The following PXDNL variants were observed in gnomAD, a reference collection of about 807,000 sequenced individuals.
PXDNL encodes the protein peroxidasin like.
A neutral mutation model predicts 150.8 loss-of-function variants in PXDNL; 145 were observed. The observed-to-expected ratio is 0.96, with a 90% CI of 0.84 to 1.10. The LOEUF is 1.10. PXDNL is among the 50% of genes least tolerant of loss of function. The probability of loss-of-function intolerance (pLI) is 0.00; values close to 1 mark genes in which losing one functional copy is unlikely to be tolerated. For missense variants in PXDNL, 2,087 were observed against 1,873.9 expected, an observed-to-expected ratio of 1.11 and a Z score of -2.10; for synonymous variants, 757 against 725.7, an observed-to-expected ratio of 1.04 and a Z score of -0.69.
chr8:51,445,966 C>G (rs75023566), intron 12 of PXDNL, among the ~76,000 whole-genome samples: 2,972 of 151,256 alleles, frequency 0.02, 61 homozygotes, highest in East Asian at 0.082. Context: ...TTTTCCCCCC[C>G]GTAGAACCTC....
At chr8:51,395,742 A>G (rs1338000980) in intron 17 of PXDNL, among the ~76,000 whole-genome samples, 7 of 152,230 alleles carry the variant, frequency 4.6e-5, no homozygotes. Flanking sequence ...AACAGGAAAT[A>G]AATGGCTATG....
At chr8:51,438,523 G>T (rs1019509682) in intron 12 of PXDNL, among the ~76,000 whole-genome samples, 1 of 152,148 alleles carries the variant, frequency 6.6e-6, no homozygotes, top group South Asian at 2.1e-4. Flanking sequence ...AGACCATCCT[G>T]GCTAACATGG....
chr8:51,694,794 G>A (rs1816081231), intron 1 of PXDNL, among the ~76,000 whole-genome samples: 1 of 152,188 alleles, frequency 6.6e-6, no homozygotes, highest in Non-Finnish European at 1.5e-5. Flanking sequence ...TGAGCTGTAA[G>A]GTAGACATTA....
intron 5 of PXDNL, among the ~76,000 whole-genome samples, chr8:51,491,977 A>G (rs4873555): frequency 0.36 from 54,997 of 152,100 alleles, 11,975 homozygotes; most frequent in African/African-American, 0.61. Flanking sequence ...ACCTCATTTC[A>G]TATTCATGAT....
At chr8:51,465,785 A>C (rs749300838) in intron 8 of PXDNL, among the ~76,000 whole-genome samples, 1 of 152,176 alleles carries the variant, frequency 6.6e-6, no homozygotes, top group Non-Finnish European at 1.5e-5. Context: ...TCAAATATGT[A>C]ATCTCACTTA....
At chr8:51,767,063 C>T (rs1271677013) in intron 1 of PXDNL, among the ~76,000 whole-genome samples, 2 of 151,958 alleles carry the variant, frequency 1.3e-5, no homozygotes, top group African/African-American at 2.4e-5. Flanking sequence ...GACATCATTC[C>T]TATGTCTGTC....
intron 12 of PXDNL, among the ~76,000 whole-genome samples, chr8:51,438,461 T>C (rs1416519080): frequency 6.6e-6 from 1 of 152,078 alleles, no homozygotes; most frequent in Non-Finnish European, 1.5e-5. Flanking sequence ...GTTATAAAAA[T>C]AGGCACATAT....
At chr8:51,569,229 A>G (rs536261548) in intron 3 of PXDNL, among the ~76,000 whole-genome samples, 2 of 152,090 alleles carry the variant, frequency 1.3e-5, no homozygotes, top group Admixed American at 6.6e-5. Context: ...CAGTACTGAA[A>G]GGTGACTTGC....
intron 1 of PXDNL, among the ~76,000 whole-genome samples, chr8:51,768,078 G>A (rs59373752): frequency 0.043 from 6,557 of 152,238 alleles, 462 homozygotes; most frequent in African/African-American, 0.14. Context: ...AGAGTACTGC[G>A]GAGCTGGGGT....
Position 51,640,845 on chromosome 8 carries a change from A to G in PXDNL, c.236+13844T>C, listed in dbSNP as rs545594677. Among the ~76,000 whole-genome samples, 3 of 151,920 alleles carry G rather than the reference A, an allele frequency of 2.0e-5. No homozygotes were observed. The East Asian group carries it at 5.8e-4, about 29-fold the overall frequency. On this transcript the variant is annotated intron_variant, in intron 2 of 22. Coordinates refer to ENST00000356297, the MANE Select transcript of PXDNL (RefSeq NM_144651.5). ...CCAATGACTTTCTTCACAGAATTGG[A>G]AAAAACTACTTTAAAGTTCATATGG...
intron 3 of PXDNL, among the ~76,000 whole-genome samples, chr8:51,568,841 A>G (rs1452367872): frequency 6.6e-6 from 1 of 151,640 alleles, no homozygotes; most frequent in Non-Finnish European, 1.5e-5. Flanking sequence ...TTAACATATC[A>G]CCAAGGTCAC....
chr8:51,384,080 TTC>T (rs1807628005), intron 17 of PXDNL, among the ~76,000 whole-genome samples: 1 of 152,176 alleles, frequency 6.6e-6, no homozygotes, highest in African/African-American at 2.4e-5. Context: ...TGGAAAAGCT[TTC>T]TGAGAGACAT....
intron 14 of PXDNL, among the ~76,000 whole-genome samples, chr8:51,414,450 G>A (rs1437866559): frequency 1.3e-5 from 2 of 150,954 alleles, no homozygotes; most frequent in Admixed American, 1.3e-4. Flanking sequence ...TAAAATTCAG[G>A]ACCATACTGA....
Position 51,535,692 on chromosome 8 carries a change from A to G in PXDNL, c.380+21148T>C, listed in dbSNP as rs563197555. Among the ~76,000 whole-genome samples the G allele has an allele frequency of 3.2e-3, 465 of 144,656 alleles. 5 individuals are homozygous for G. The highest frequency in any genetic ancestry group is 0.012 in the African/African-American group (449 of 36,090). 94.9% of individuals were successfully genotyped at this position (144,656 alleles called of 152,430 possible). On this transcript the variant is annotated intron_variant, in intron 4 of 22. Coordinates refer to ENST00000356297, the MANE Select transcript of PXDNL (RefSeq NM_144651.5). Reference sequence around the variant, plus strand: ...TGACCCTGCCAAATCCCCCTCTGCGAGAAACACCCAAGAATGATCAATAAA... The same window carrying G: ...TGACCCTGCCAAATCCCCCTCTGCGGGAAACACCCAAGAATGATCAATAAA...
chr8:51,461,441 G>T (rs547583989), intron 8 of PXDNL, among the ~76,000 whole-genome samples: 1 of 152,344 alleles, frequency 6.6e-6, no homozygotes, highest in South Asian at 2.1e-4. Flanking sequence ...GATGGAGTAA[G>T]CTAGAGGGCA....
rs187286259 is a variant in PXDNL at position 51,600,354 on chromosome 8, T to C, written c.237-7656A>G. Among the ~76,000 whole-genome samples, 929 of 128,954 alleles carry C rather than the reference T, an allele frequency of 7.2e-3. 57 individuals are homozygous for C. The highest frequency in any genetic ancestry group is 0.012 in the Non-Finnish European group (745 of 63,578). 84.6% of individuals were successfully genotyped at this position (128,954 alleles called of 152,430 possible). A position where few individuals can be genotyped will look rare whatever the true frequency, so the allele number is the denominator to read the frequency against. On this transcript the variant is annotated intron_variant, in intron 2 of 22. Transcript: ENST00000356297. ...TATATAAATTATATCGTTTAGATAA[T>C]AAATTATATCTTGTATAAATTATAT...
intron 1 of PXDNL, among the ~76,000 whole-genome samples, chr8:51,716,943 A>C (rs1204779461): frequency 2.6e-5 from 4 of 152,330 alleles, no homozygotes; most frequent in South Asian, 2.1e-4. Flanking sequence ...CTACTCTATC[A>C]GTTAGGAATG....
intron 4 of PXDNL, among the ~76,000 whole-genome samples, chr8:51,511,721 C>G (rs1401770885): frequency 6.6e-6 from 1 of 152,118 alleles, no homozygotes; most frequent in Non-Finnish European, 1.5e-5. Flanking sequence ...AATCACCAAC[C>G]AATCAAATGC....
chr8:51,391,878 TG>T (rs1378355977), intron 17 of PXDNL, among the ~76,000 whole-genome samples: 6 of 152,142 alleles, frequency 3.9e-5, no homozygotes, highest in African/African-American at 1.4e-4. Context: ...TTAGGTCTAA[TG>T]TTTAAGTCTT....
Sources: gnomAD v4.1 joint callset for allele counts (sites outside exome capture counted in the v4.1 genomes callset) on GRCh38, gnomAD v4.1.1 for gene constraint, MANE v1.5 for transcripts, NCBI Gene and HGNC (gene_info 2026-07-23, HGNC 2026-07-21) for gene names.